MYH15: variants seen among roughly 807,000 people sequenced by gnomAD.
MYH15 encodes the protein myosin heavy chain 15.
MYH15 carries 227 observed loss-of-function variants against 240.5 expected under a neutral mutation model. The ratio of observed to expected loss-of-function variants is 0.94; its 90% CI spans 0.85 to 1.05. MYH15 has a LOEUF of 1.05. Among genes scored for constraint, MYH15 ranks in the 50% least tolerant of loss-of-function variants. The pLI is 0.00. For synonymous variants in MYH15, 785 were observed against 796.7 expected (o/e 0.99, Z 0.25); for missense variants, 2,217 against 2,247.5 (o/e 0.99, Z 0.27).
intron 11 of MYH15, among the ~76,000 whole-genome samples, chr3:108,483,639 T>C (rs1176290109): frequency 6.6e-6 from 1 of 152,214 alleles, no homozygotes. Flanking sequence ...CAGATATTTA[T>C]ATACTAACAT....
At chr3:108,497,194 A>C (rs1281559988) in intron 6 of MYH15, among the ~76,000 whole-genome samples, 1 of 145,184 alleles carries the variant, frequency 6.9e-6, no homozygotes, top group Non-Finnish European at 1.5e-5. Flanking sequence ...AAAGAGCTCA[A>C]TGATACCCAA....
rs1253334242 is a variant in MYH15, at chr3:108,499,468, A to T, written c.511T>A (p.Ser171Thr). The T allele has an allele frequency of 2.5e-6, 4 of 1,613,404 alleles. No homozygotes were observed. Among genetic ancestry groups the T allele is most frequent in the Non-Finnish European group, 3.4e-6 (4 of 1,179,724 alleles). Residue 171 changes from serine (S) to threonine (T), a missense_variant, in exon 5 of 41, where the codon TCT (serine) becomes ACT (threonine). Physicochemically the swap from Ser to Thr is moderately conservative, Grantham distance 58. Coordinates refer to ENST00000693548, the MANE Select transcript of MYH15 (RefSeq NM_014981.3). ...GCAAACACTTACGTGAAGAGTATAG[A>T]CTGATTTTCTCGATCTACAAAAGAA... The part of the protein sequence containing the change: ...QDMLHNRENQ[S>T]ILFTGESGAG...
rs142091620 is a variant in MYH15 at position 108,497,018 on chromosome 3, G to A, written c.618+1034C>T. Among the ~76,000 whole-genome samples, 377 of 151,332 alleles carry A rather than the reference G, an allele frequency of 2.5e-3. 10 individuals are homozygous for A. In the East Asian group the frequency reaches 0.056, roughly 22 times the overall value. On this transcript the variant is annotated intron_variant, in intron 6 of 40. Transcript: ENST00000693548. Reference sequence around the variant, plus strand: ...CTACTAAAAATACAAAAAATTAGCCGGGCACGGTGGCGGGCACCTGTAGTC... The same window carrying A: ...CTACTAAAAATACAAAAAATTAGCCAGGCACGGTGGCGGGCACCTGTAGTC...
intron 37 of MYH15, among the ~76,000 whole-genome samples, chr3:108,389,941 C>G (rs76248951): frequency 1.3e-5 from 2 of 152,216 alleles, no homozygotes; most frequent in African/African-American, 4.8e-5. Flanking sequence ...CCACCTCTTA[C>G]TCCCCACTGG....
At chr3:108,415,586 C>T (rs1178872979) in intron 29 of MYH15, among the ~76,000 whole-genome samples, 1 of 152,188 alleles carries the variant, frequency 6.6e-6, no homozygotes, top group Non-Finnish European at 1.5e-5. Context: ...ACAAAATACA[C>T]AGGCAAATAC....
rs768700526 is a variant in MYH15, at chr3:108,421,108, G to A, written c.3809C>T (p.Thr1270Ile). Residue 1270 changes from threonine to isoleucine, a missense_variant, in exon 28 of 41, where the codon ACA becomes ATA. By Grantham distance (89) the Thr-to-Ile change is moderately conservative. Transcript: ENST00000693548. Reference protein sequence around the residue: ...QLANDLAAQKTKLWSESGEFL... With the variant: ...QLANDLAAQKIKLWSESGEFL... ...CTTACCACTCTCACTCCACAGCTTT[G>A]TCTTTTGTGCTGCCAGGTCATTTGC... The A allele has an allele frequency of 3.1e-6, 5 of 1,614,108 alleles. No homozygotes were observed. The highest frequency in any genetic ancestry group is 4.2e-6 in the Non-Finnish European group (5 of 1,179,970).
At chr3:108,496,779 GACCAA>G (rs1019807773) in intron 6 of MYH15, among the ~76,000 whole-genome samples, 4 of 144,780 alleles carry the variant, frequency 2.8e-5, no homozygotes, top group African/African-American at 1.0e-4. Flanking sequence ...TCAATGGCTA[GACCAA>G]ACCATTTAAT....
intron 21 of MYH15, among the ~76,000 whole-genome samples, chr3:108,453,209 C>T (rs969610174): frequency 2.6e-5 from 4 of 152,150 alleles, no homozygotes; most frequent in Non-Finnish European, 5.9e-5. Context: ...GACCCCCAAA[C>T]TCCCATACCA....
At chr3:108,497,104 T>G (rs776742285) in intron 6 of MYH15, among the ~76,000 whole-genome samples, 10 of 127,458 alleles carry the variant, frequency 7.8e-5, no homozygotes, top group Non-Finnish European at 1.5e-4. Flanking sequence ...GAGGTTGCAG[T>G]GAGCCGAGAC....
At chr3:108,443,734 G>C (rs1221059183) in intron 22 of MYH15, among the ~76,000 whole-genome samples, 2 of 151,944 alleles carry the variant, frequency 1.3e-5, no homozygotes, top group Non-Finnish European at 2.9e-5. Flanking sequence ...CCCATAAAGC[G>C]ACATGATGCT....
chr3:108,466,887 T>G (rs1397048405), intron 14 of MYH15, among the ~76,000 whole-genome samples: 1 of 152,146 alleles, frequency 6.6e-6, no homozygotes, highest in Non-Finnish European at 1.5e-5. Flanking sequence ...CCCATAAACC[T>G]AGGGCAGGAT....
chr3:108,399,397 A>G, intron 33 of MYH15, 130 bp from the exon 34 acceptor site: 1 of 763,982 alleles, frequency 1.3e-6, no homozygotes, highest in Non-Finnish European at 2.1e-6. Context: ...GTAACTAACA[A>G]AATGAGTCTA....
At chr3:108,510,319 G>A in intron 1 of MYH15, 124 bp downstream of exon 1, 1 of 1,298,924 alleles carries the variant, frequency 7.7e-7, no homozygotes, top group South Asian at 1.7e-5. Context: ...CCTAGAGGCT[G>A]ATCATACCCT....
chr3:108,474,083 T>G (rs1192226677), intron 12 of MYH15, among the ~76,000 whole-genome samples: 3 of 152,208 alleles, frequency 2.0e-5, no homozygotes, highest in Non-Finnish European at 4.4e-5. Context: ...TAGTTAGCAT[T>G]ATAGCTAGAA....
the MYH15 span, among the ~76,000 whole-genome samples, chr3:108,542,673 T>C: frequency 6.6e-6 from 1 of 152,154 alleles, no homozygotes; most frequent in Non-Finnish European, 1.5e-5. Flanking sequence ...CCAGCACCTA[T>C]TAGCTATTCT....
exon 1 of MYH15, chr3:108,529,268 T>C (rs764415173): frequency 6.2e-7 from 1 of 1,603,458 alleles, no homozygotes; most frequent in Admixed American, 1.7e-5. Flanking sequence ...CTCACCATGA[T>C]CTTTTTGGTA....
chr3:108,413,486 G>T (rs1560334444), intron 30 of MYH15, among the ~76,000 whole-genome samples: 1 of 152,156 alleles, frequency 6.6e-6, no homozygotes, highest in Non-Finnish European at 1.5e-5. Context: ...ACCAAGCCAG[G>T]GACACATTCT....
At chr3:108,512,651 T>C (rs538741502), upstream of MYH15, among the ~76,000 whole-genome samples, 26 of 152,288 alleles carry the variant, frequency 1.7e-4, no homozygotes, top group Non-Finnish European at 3.1e-4. Flanking sequence ...TTCATTCCAT[T>C]CTAGTCTGTC....
intron 37 of MYH15, among the ~76,000 whole-genome samples, chr3:108,391,062 C>T (rs925482497): frequency 2.0e-5 from 3 of 152,056 alleles, no homozygotes; most frequent in African/African-American, 4.8e-5. Flanking sequence ...TGGAGGTACC[C>T]GAAATGGACA....
Sources: gnomAD v4.1 joint callset for allele counts (sites outside exome capture counted in the v4.1 genomes callset) on GRCh38, gnomAD v4.1.1 for gene constraint, MANE v1.5 for transcripts, NCBI Gene and HGNC (gene_info 2026-07-23, HGNC 2026-07-21) for gene names.